The following CLEC16A variants were observed in gnomAD, a reference collection of about 807,000 sequenced individuals.
CLEC16A encodes the protein protein CLEC16A.
CLEC16A carries 51 observed loss-of-function variants against 109.5 expected under a neutral mutation model. The observed-to-expected ratio is 0.47, with a 90% CI of 0.37 to 0.59. The LOEUF (loss-of-function observed/expected upper bound fraction) is 0.59. Ranked by LOEUF, CLEC16A falls within the 20% of genes least tolerant of loss-of-function variation. CLEC16A has a pLI of 0.00. For synonymous variants in CLEC16A, 673 were observed against 564.2 expected (o/e 1.19, Z -2.73); for missense variants, 1,339 against 1,394.0 (o/e 0.96, Z 0.63).
At chr16:11,141,351 A>G (rs1007839605) in intron 22 of CLEC16A, among the ~76,000 whole-genome samples, 4 of 152,242 alleles carry the variant, frequency 2.6e-5, no homozygotes, top group Admixed American at 2.6e-4. Context: ...GCCCCCGTGC[A>G]GAGGACAGCT....
intron 8 of CLEC16A, among the ~76,000 whole-genome samples, chr16:10,978,472 A>G (rs1026867401): frequency 1.3e-5 from 2 of 152,200 alleles, no homozygotes; most frequent in African/African-American, 4.8e-5. Flanking sequence ...GGGTTTCACC[A>G]TGTTGGCCGG....
intron 19 of CLEC16A, among the ~76,000 whole-genome samples, chr16:11,119,357 A>G (rs1163892148): frequency 6.6e-6 from 1 of 152,020 alleles, no homozygotes; most frequent in African/African-American, 2.4e-5. Context: ...CAGCCTTGTA[A>G]TTTGAAGTCA....
intron 1 of CLEC16A, among the ~76,000 whole-genome samples, chr16:10,956,929 C>G (rs533088438): frequency 3.9e-5 from 6 of 152,204 alleles, no homozygotes; most frequent in African/African-American, 1.2e-4. Flanking sequence ...TCCAGAGTAG[C>G]TGGGATTACA....
chr16:11,102,544 C>G lies in CLEC16A; in HGVS notation c.2117-18071C>G, dbSNP rs532159225. ...TGCCAAACGGCTATAAATGTGTCCC[C>G]TGGTATGAAATTTAGACATTCTTTC... On this transcript the variant is annotated intron_variant, in intron 19 of 23. Coordinates refer to ENST00000409790, the MANE Select transcript of CLEC16A (RefSeq NM_015226.3). Among the ~76,000 whole-genome samples, 3 of 152,326 alleles carry G rather than the reference C, an allele frequency of 2.0e-5. No homozygotes were observed. The East Asian group carries it at 5.8e-4, about 29-fold the overall frequency.
chr16:11,036,467 A>G (rs546311865), intron 13 of CLEC16A, among the ~76,000 whole-genome samples: 2 of 151,162 alleles, frequency 1.3e-5, no homozygotes, highest in African/African-American at 2.4e-5. Flanking sequence ...GCAGCTCAGC[A>G]TGCCTCTTTT....
At chr16:11,068,687 TC>T (rs1452758969) in intron 19 of CLEC16A, among the ~76,000 whole-genome samples, 2 of 152,230 alleles carry the variant, frequency 1.3e-5, no homozygotes, top group Non-Finnish European at 2.9e-5. Context: ...AAGCTCAACT[TC>T]CAGTTGGTCA....
chr16:10,982,923 G>T lies in CLEC16A; in HGVS notation c.1003G>T (p.Glu335Ter). ...TGCACCGCTGGTGAACTCGTTAGCT[G>T]AAGTCATTCTGAATGGTGATCTGTC... ...HHAPLVNSLA[E>*]VILNGDLSEM... The change falls in exon 10 of 24, where the codon GAA (glutamate) becomes TAA (stop). Residue 335 changes from glutamate (E) to a stop codon, truncating the protein, a stop_gained. Transcript: ENST00000409790. LOFTEE classifies it high-confidence loss of function. The T allele has an allele frequency of 6.2e-7, 1 of 1,613,252 alleles. No homozygotes were observed. Among genetic ancestry groups the T allele is most frequent in the Non-Finnish European group, 8.5e-7 (1 of 1,179,232 alleles).
chr16:11,153,184 T>C (rs576710913), intron 22 of CLEC16A, among the ~76,000 whole-genome samples: 1 of 152,280 alleles, frequency 6.6e-6, no homozygotes, highest in South Asian at 2.1e-4. Flanking sequence ...GCCTGCTTCC[T>C]GGATGGGTTC....
chr16:10,980,152 G>C (rs910693357), intron 9 of CLEC16A, among the ~76,000 whole-genome samples: 12 of 152,166 alleles, frequency 7.9e-5, no homozygotes, highest in African/African-American at 2.9e-4. Context: ...CTTCTGACTT[G>C]ATCCCCAGCT....
intron 13 of CLEC16A, among the ~76,000 whole-genome samples, chr16:11,033,973 G>A (rs976080330): frequency 2.6e-5 from 4 of 152,132 alleles, no homozygotes; most frequent in Admixed American, 6.6e-5. Context: ...TATCTTGAAG[G>A]TTCCCCAGTT....
intron 11 of CLEC16A, among the ~76,000 whole-genome samples, chr16:11,008,159 C>G (rs2045153012): frequency 1.3e-5 from 2 of 152,188 alleles, no homozygotes; most frequent in Admixed American, 1.3e-4. Flanking sequence ...TCCCTTATAT[C>G]CTAGGTAACC....
chr16:11,057,729 T>A lies in CLEC16A; in HGVS notation c.1996-3173T>A, dbSNP rs552590031. ...AATACTTTTAAATTTGCGTCTTTATTTAGCAAAGAAAAGCGCTCAATAAAA... is the reference window on the plus strand; with the variant it reads ...AATACTTTTAAATTTGCGTCTTTATATAGCAAAGAAAAGCGCTCAATAAAA... On this transcript the variant is annotated intron_variant, in intron 18 of 23. Coordinates refer to ENST00000409790, the MANE Select transcript of CLEC16A (RefSeq NM_015226.3). Among the ~76,000 whole-genome samples, 20 of 152,370 alleles carry A rather than the reference T, an allele frequency of 1.3e-4. No individual in the cohort carries two copies. In the South Asian group the frequency reaches 4.1e-3, roughly 32 times the overall value.
intron 19 of CLEC16A, among the ~76,000 whole-genome samples, chr16:11,073,616 G>A (rs1233071129): frequency 6.6e-6 from 1 of 152,220 alleles, no homozygotes; most frequent in African/African-American, 2.4e-5. Context: ...ATGTCTTGCT[G>A]CATCTGCCCA....
rs192972852 is a variant in CLEC16A at position 10,971,233 on chromosome 16, A to G, written c.598+3A>G. On this transcript the variant is annotated splice_donor_region_variant and intron_variant, in intron 5 of 23. Transcript: ENST00000409790. ...CATAACTTTGAATGTCTATAAAGGT[A>G]AGTGTCCTCATGGGCTTGTGTCTCG... The G allele has an allele frequency of 1.9e-6, 3 of 1,598,848 alleles. No homozygotes were observed. The Admixed American group carries it at 5.0e-5, about 27-fold the overall frequency.
Position 11,061,008 on chromosome 16 carries a change from A to T in CLEC16A, c.2102A>T (p.Asp701Val). The change falls in exon 19 of 24, where the codon GAT becomes GTT. Residue 701 changes from aspartate (D) to valine (V), a missense_variant. By Grantham distance (152) the Asp-to-Val change is radical (BLOSUM62 -3). Coordinates refer to ENST00000409790, the MANE Select transcript of CLEC16A (RefSeq NM_015226.3). ...GAGGAGGACCTGATCAAGACTGATG[A>T]TGTCCTGGATCTGAGTGAGTTGGCT... ...TREEDLIKTD[D>V]VLDLNNSDLI... The T allele has an allele frequency of 6.2e-7, 1 of 1,609,092 alleles. No homozygotes were observed. Among genetic ancestry groups the T allele is most frequent in the South Asian group, 1.1e-5 (1 of 90,734 alleles).
In CLEC16A at chr16:11,034,622, G is replaced by A. The variant is rs75595687; in HGVS notation, c.1538-5132G>A. Among the ~76,000 whole-genome samples the A allele has an allele frequency of 8.0e-3, 1,214 of 152,234 alleles. 17 individuals carry two copies. The highest frequency in any genetic ancestry group is 0.028 in the African/African-American group (1,153 of 41,542). On this transcript the variant is annotated intron_variant, in intron 13 of 23. Transcript: ENST00000409790. ...GGACAGGGGACACCCGTTCTGAGTC[G>A]GTGGGCAGCTCAGGCTCTGACCCCT...
rs2041967954 is a variant in CLEC16A, at chr16:10,956,023, G to A, written c.81-1759G>A. Among the ~76,000 whole-genome samples the A allele has an allele frequency of 2.0e-5, 3 of 152,246 alleles. No homozygotes were observed. The South Asian group carries it at 6.2e-4, about 31-fold the overall frequency. On this transcript the variant is annotated intron_variant, in intron 1 of 23. Coordinates refer to ENST00000409790, the MANE Select transcript of CLEC16A (RefSeq NM_015226.3). ...GGGGAAGATGCACTTGAGGCAAGAT[G>A]AAGATGTAGATTTGGGAGTGGGTCC...
Position 11,047,361 on chromosome 16 carries a change from C to T in CLEC16A, c.1866+19C>T. 2 of 1,596,102 alleles carry T rather than the reference C, an allele frequency of 1.3e-6. No homozygotes were observed. The highest frequency in any genetic ancestry group is 4.6e-5 in the East Asian group (2 of 43,676). ...CATGACAGTAAGTGAGGGGCTGGGA[C>T]ACACTTGGGCTGGTGTGCGCCTGTG... On this transcript the variant is annotated intron_variant, in intron 17 of 23. Coordinates refer to ENST00000409790, the MANE Select transcript of CLEC16A (RefSeq NM_015226.3).
At chr16:11,059,594 G>C (rs1383760180) in intron 18 of CLEC16A, among the ~76,000 whole-genome samples, 1 of 152,032 alleles carries the variant, frequency 6.6e-6, no homozygotes, top group Non-Finnish European at 1.5e-5. Context: ...TCTAGTTTTG[G>C]GAGGCACACT....
Sources: gnomAD v4.1 joint callset for allele counts (sites outside exome capture counted in the v4.1 genomes callset) on GRCh38, gnomAD v4.1.1 for gene constraint, MANE v1.5 for transcripts, NCBI Gene and HGNC (gene_info 2026-07-23, HGNC 2026-07-21) for gene names.